GOLPH3L: variants seen among roughly 807,000 people sequenced by gnomAD.
GOLPH3L encodes the protein golgi phosphoprotein 3 like.
GOLPH3L carries 22 observed loss-of-function variants against 30.3 expected under a neutral mutation model. The ratio of observed to expected loss-of-function variants is 0.73; its 90% confidence interval spans 0.52 to 1.04. The LOEUF is 1.04. Among genes scored for constraint, GOLPH3L ranks in the 50% least tolerant of loss-of-function variants. The pLI is 0.00. For missense variants in GOLPH3L, 303 were observed against 345.8 expected (o/e 0.88, Z 0.98); for synonymous variants, 120 against 128.2 (o/e 0.94, Z 0.43).
intron 2 of GOLPH3L, among the ~76,000 whole-genome samples, chr1:150,671,770 C>A (rs1427196797): frequency 7.9e-6 from 1 of 126,928 alleles, no homozygotes; most frequent in African/African-American, 2.9e-5. Flanking sequence ...CGCACCACTG[C>A]ACTCCAACCT....
chr1:150,691,401 A>G (rs1651208988), intron 2 of GOLPH3L, among the ~76,000 whole-genome samples: 1 of 152,130 alleles, frequency 6.6e-6, no homozygotes, highest in African/African-American at 2.4e-5. Flanking sequence ...CTGTAATCCC[A>G]GCTACTCAGG....
chr1:150,684,085 C>G (rs1445298246), intron 2 of GOLPH3L, among the ~76,000 whole-genome samples: 1 of 152,094 alleles, frequency 6.6e-6, no homozygotes, highest in Non-Finnish European at 1.5e-5. Flanking sequence ...AATTTGGACA[C>G]CTAGAGACGC....
intron 4 of GOLPH3L, among the ~76,000 whole-genome samples, chr1:150,659,124 T>C (rs1406377514): frequency 1.3e-5 from 2 of 152,244 alleles, no homozygotes; most frequent in Admixed American, 1.3e-4. Flanking sequence ...GTTGTTTGTC[T>C]CTGTATAGTC....
At position 150,648,574 on chromosome 1, in the gene GOLPH3L, T is replaced by C; in HGVS notation, c.605A>G (p.Lys202Arg). 6.2e-7 allele frequency: 1 copy of C among 1,614,044 alleles called. No homozygotes were observed. The highest frequency in any genetic ancestry group is 8.5e-7 in the Non-Finnish European group (1 of 1,179,976). Residue 202 changes from lysine to arginine, a missense_variant, in exon 5 of 5, where the codon AAA (lysine) becomes AGA (arginine). Lys to Arg is a conservative substitution (Grantham distance 26). Transcript: ENST00000271732. ...NTTEKQRLVK[K>R]LQDSVLERWV... The stretch of plus-strand genomic sequence containing the variant: ...CCGCTCTAGTACACTATCTTGAAGT[T>C]TTTTCACTAGTCGCTGTTTCTCTGT...
At chr1:150,685,575 G>A (rs1351552102) in intron 2 of GOLPH3L, among the ~76,000 whole-genome samples, 10 of 151,966 alleles carry the variant, frequency 6.6e-5, no homozygotes, top group East Asian at 3.9e-4. Flanking sequence ...TTAGCCAGGC[G>A]TGGTGGCATG....
intron 4 of GOLPH3L, among the ~76,000 whole-genome samples, chr1:150,654,948 G>A (rs887196085): frequency 3.9e-5 from 6 of 152,208 alleles, no homozygotes; most frequent in Non-Finnish European, 8.8e-5. Flanking sequence ...TTACAGTGGG[G>A]AAATTCAAAT....
At position 150,663,628 on chromosome 1, in the gene GOLPH3L, G is replaced by A; in HGVS notation, c.315+4C>T. 6.2e-7 allele frequency: 1 copy of A among 1,610,370 alleles called. No individual in the cohort carries two copies. Among genetic ancestry groups the A allele is most frequent in the Admixed American group, 1.7e-5 (1 of 59,716 alleles). On this transcript the variant is annotated splice_donor_region_variant and intron_variant, in intron 3 of 4. Coordinates refer to ENST00000271732, the MANE Select transcript of GOLPH3L (RefSeq NM_018178.6). The stretch of plus-strand genomic sequence containing the variant: ...GCCATGGACGTTCACAGAGGATTCA[G>A]TACCTTTCTGTCTAGTAGTCGCTTC...
chr1:150,679,446 G>A (rs1466974754), intron 2 of GOLPH3L, among the ~76,000 whole-genome samples: 1 of 152,156 alleles, frequency 6.6e-6, no homozygotes, highest in African/African-American at 2.4e-5. Context: ...AAACTTAATT[G>A]CATGCAGTCA....
At chr1:150,684,125 A>G (rs943393410) in intron 2 of GOLPH3L, among the ~76,000 whole-genome samples, 1 of 152,204 alleles carries the variant, frequency 6.6e-6, no homozygotes, top group African/African-American at 2.4e-5. Flanking sequence ...AGGACACAGC[A>G]GGAAGTCTGC....
intron 2 of GOLPH3L, among the ~76,000 whole-genome samples, chr1:150,683,711 AAAAAAAAAAAAAAAAAAAAAAAG>A (rs1651805552): frequency 7.5e-6 from 1 of 133,946 alleles, no homozygotes; most frequent in African/African-American, 3.0e-5. Context: ...AAAAAAAAAA[AAAAAAAAAAAAAAAAAAAAAAAG>A]AGAGATACTC....
At position 150,646,246 on chromosome 1, in the gene GOLPH3L, T is replaced by C. The variant is rs1017110589; in HGVS notation, c.*2075A>G. 4 of 152,218 alleles carry C rather than the reference T, an allele frequency of 2.6e-5. No homozygotes were observed. The highest frequency in any genetic ancestry group is 9.6e-5 in the African/African-American group (4 of 41,456). 9.4% of individuals were successfully genotyped at this position (152,218 alleles called of 1,614,324 possible). On this transcript the variant is annotated 3_prime_UTR_variant, in exon 5 of 5. Transcript: ENST00000271732. ...GAGACCAGAGAGCTGATAATTGATC[T>C]TTATTATACAGAAATGTGAAGGCCA...
In GOLPH3L at chr1:150,646,939, T is replaced by A. The variant is rs950255791; in HGVS notation, c.*1382A>T. ...GGATCTTTCTTAATAAAGCTTCTCATTGCCCTCACTACTGAAGTAAAAAAC... is the reference window on the plus strand; with the variant it reads ...GGATCTTTCTTAATAAAGCTTCTCAATGCCCTCACTACTGAAGTAAAAAAC... On this transcript the variant is annotated 3_prime_UTR_variant, in exon 5 of 5. Transcript: ENST00000271732. The A allele has an allele frequency of 6.6e-6, 1 of 152,216 alleles. No individual in the cohort carries two copies. Among genetic ancestry groups the A allele is most frequent in the Non-Finnish European group, 1.5e-5 (1 of 68,042 alleles). The allele number at this position is 152,216 out of a possible 1,614,324, so 9.4% of individuals were successfully genotyped here.
intron 2 of GOLPH3L, among the ~76,000 whole-genome samples, chr1:150,671,073 C>T (rs1650632613): frequency 2.0e-5 from 3 of 151,952 alleles, no homozygotes. Flanking sequence ...AACCCAGTCT[C>T]CACTAAAAAT....
In GOLPH3L at chr1:150,648,575, T is replaced by A. The variant is rs768796964; in HGVS notation, c.604A>T (p.Lys202Ter). The part of the protein sequence containing the change: ...NTTEKQRLVK[K>*]LQDSVLERWV... ...CGCTCTAGTACACTATCTTGAAGTT[T>A]TTTCACTAGTCGCTGTTTCTCTGTT... The change falls in exon 5 of 5, where the codon AAA (lysine) becomes TAA (stop). Residue 202 changes from lysine (K) to a stop codon, truncating the protein, a stop_gained. Transcript: ENST00000271732. LOFTEE classifies it high-confidence loss of function. 3 of 1,613,924 alleles carry A rather than the reference T, an allele frequency of 1.9e-6. No individual in the cohort carries two copies. Among genetic ancestry groups the A allele is most frequent in the Non-Finnish European group, 2.5e-6 (3 of 1,179,964 alleles).
chr1:150,661,996 A>G (rs3754207), intron 3 of GOLPH3L, 68 bp from the exon 4 acceptor site: 73,985 of 783,138 alleles, frequency 0.094, 4,185 homozygotes, highest in East Asian at 0.18. Context: ...CTTTCAATAT[A>G]TCATGTATAT....
chr1:150,674,494 C>T (rs940708180), intron 2 of GOLPH3L, among the ~76,000 whole-genome samples: 1 of 152,056 alleles, frequency 6.6e-6, no homozygotes, highest in Non-Finnish European at 1.5e-5. Context: ...AACTCCTGAC[C>T]TCAGGTGATC....
Position 150,696,323 on chromosome 1 carries a change from C to A in GOLPH3L, c.-13+669G>T, listed in dbSNP as rs3806388. Among the ~76,000 whole-genome samples, 479 of 152,276 alleles carry A rather than the reference C, an allele frequency of 3.1e-3. 31 individuals are homozygous for A. The East Asian group carries it at 0.088, about 28-fold the overall frequency. Reference sequence around the variant, plus strand: ...TGTGAAGGCCTTTAAGTGACCTCCTCTTTTCTATTACCTATGTGTCTCATG... The same window carrying A: ...TGTGAAGGCCTTTAAGTGACCTCCTATTTTCTATTACCTATGTGTCTCATG... On this transcript the variant is annotated intron_variant, in intron 1 of 4. Transcript: ENST00000271732.
At chr1:150,679,740 C>T (rs1650907248) in intron 2 of GOLPH3L, among the ~76,000 whole-genome samples, 1 of 152,142 alleles carries the variant, frequency 6.6e-6, no homozygotes, top group Non-Finnish European at 1.5e-5. Context: ...GTGGAGCCTG[C>T]AGTGAGGCAT....
At chr1:150,691,826 A>C (rs1651221269) in intron 2 of GOLPH3L, among the ~76,000 whole-genome samples, 1 of 151,868 alleles carries the variant, frequency 6.6e-6, no homozygotes, top group Non-Finnish European at 1.5e-5. Context: ...AATGTGAGAA[A>C]TATACATGTT....
Sources: allele counts gnomAD v4.1 joint callset (sites outside exome capture counted in the v4.1 genomes callset), GRCh38; gene constraint gnomAD v4.1.1; transcripts MANE v1.5; gene names NCBI Gene and HGNC (gene_info 2026-07-23, HGNC 2026-07-21).